ROBO2: variants seen among roughly 807,000 people sequenced by gnomAD.
ROBO2 encodes roundabout homolog 2.
In ROBO2, 53 loss-of-function variants were observed where a neutral mutation model predicts 160.8. The observed-to-expected ratio is 0.33, with a 90% confidence interval of 0.26 to 0.41. The LOEUF (loss-of-function observed/expected upper bound fraction) is 0.41. ROBO2 is among the 10% of genes least tolerant of loss of function. ROBO2 has a pLI of 1.00. For synonymous variants in ROBO2, 664 were observed against 611.7 expected (o/e 1.09, Z -1.26); for missense variants, 1,577 against 1,722.4 (o/e 0.92, Z 1.49).
At chr3:77,202,554 A>G (rs1024585784) in intron 2 of ROBO2, among the ~76,000 whole-genome samples, 3 of 152,156 alleles carry the variant, frequency 2.0e-5, no homozygotes, top group Non-Finnish European at 4.4e-5. Flanking sequence ...ATTTGCTTTA[A>G]AAATTATTAT....
intron 2 of ROBO2, among the ~76,000 whole-genome samples, chr3:76,201,956 C>G (rs1324854953): frequency 6.6e-6 from 1 of 150,610 alleles, no homozygotes; most frequent in Non-Finnish European, 1.5e-5. Flanking sequence ...ACCAGCCCAC[C>G]ACTTGTCCTG....
At chr3:76,327,306 G>A (rs777648848) in intron 2 of ROBO2, among the ~76,000 whole-genome samples, 1 of 151,800 alleles carries the variant, frequency 6.6e-6, no homozygotes, top group East Asian at 1.9e-4. Context: ...ACCTAAATTG[G>A]TAATATTTAT....
intron 2 of ROBO2, among the ~76,000 whole-genome samples, chr3:76,006,984 G>T (rs1173818624): frequency 6.6e-6 from 1 of 151,992 alleles, no homozygotes; most frequent in Non-Finnish European, 1.5e-5. Context: ...ATACTTATAT[G>T]TGTATTATAT....
chr3:76,042,476 C>G (rs1305730425), intron 2 of ROBO2, among the ~76,000 whole-genome samples: 1 of 151,998 alleles, frequency 6.6e-6, no homozygotes. Context: ...CGATTATTTA[C>G]ATAGGTTTAA....
At chr3:76,434,491 A>C in intron 2 of ROBO2, 1 of 1,559,336 alleles carries the variant, frequency 6.4e-7, no homozygotes, top group Non-Finnish European at 8.8e-7. Context: ...TGTTTTATAC[A>C]AACCGAGTCC....
intron 2 of ROBO2, among the ~76,000 whole-genome samples, chr3:76,397,075 A>G (rs927509104): frequency 2.0e-5 from 3 of 152,174 alleles, no homozygotes; most frequent in Non-Finnish European, 4.4e-5. Context: ...TTCAAACTAT[A>G]CTACACGGCT....
At chr3:76,900,173 C>G (rs373849235) in intron 2 of ROBO2, among the ~76,000 whole-genome samples, 1 of 152,094 alleles carries the variant, frequency 6.6e-6, no homozygotes, top group South Asian at 2.1e-4. Context: ...ATCACAAGAA[C>G]GGCACGGGAA....
Position 76,948,884 on chromosome 3 carries a change from ATATATATATATATATATATATATAT to A in ROBO2, c.110-149128_110-149104del, listed in dbSNP as rs1386372989. On this transcript the variant is annotated intron_variant, in intron 2 of 26. Coordinates refer to the ROBO2 transcript ENST00000487694. The stretch of plus-strand genomic sequence containing the variant: ...CACACCCGGCTAATTTTATATATAT[ATATATATATATATATATATATATAT>A]TTTTTTTTTTTTTTTTTTTTTAGTA... 1.4e-3 allele frequency among the ~76,000 whole-genome samples: 44 copies of A among 31,144 alleles called. No homozygotes were observed. In the Middle Eastern group the frequency reaches 0.045, roughly 32 times the overall value. The allele number at this position is 31,144 out of a possible 152,430, so 20.4% of individuals were successfully genotyped here.
intron 2 of ROBO2, among the ~76,000 whole-genome samples, chr3:76,419,241 A>G (rs1025539153): frequency 3.9e-5 from 6 of 152,222 alleles, no homozygotes; most frequent in Non-Finnish European, 7.3e-5. Context: ...CAAAACTGTG[A>G]ACAACATTGC....
chr3:76,356,732 C>G lies in ROBO2; in HGVS notation c.109+419130C>G, dbSNP rs562332645. ...CATACCGTTTTTGTATTTTATAGAA[C>G]AAATAGACAAAAAAAGCAAATGGTC... On this transcript the variant is annotated intron_variant, in intron 2 of 26. Transcript: ENST00000487694. Among the ~76,000 whole-genome samples the G allele has an allele frequency of 2.2e-4, 34 of 151,698 alleles. No individual in the cohort carries two copies. The South Asian group carries it at 7.1e-3, about 31-fold the overall frequency.
At chr3:76,367,040 T>C (rs2075852394) in intron 2 of ROBO2, among the ~76,000 whole-genome samples, 1 of 152,044 alleles carries the variant, frequency 6.6e-6, no homozygotes, top group Non-Finnish European at 1.5e-5. Flanking sequence ...TAAGCAATTT[T>C]ATATGAATTT....
intron 2 of ROBO2, among the ~76,000 whole-genome samples, chr3:76,678,709 A>C (rs1332460923): frequency 6.6e-6 from 1 of 152,152 alleles, no homozygotes; most frequent in Non-Finnish European, 1.5e-5. Flanking sequence ...CCATTAAAAA[A>C]GGGGCTCTGG....
intron 2 of ROBO2, among the ~76,000 whole-genome samples, chr3:76,992,366 TATA>T (rs869060537): frequency 0.09 from 4,320 of 48,246 alleles, 177 homozygotes; most frequent in East Asian, 0.23. Flanking sequence ...TATATATATA[TATA>T]AATTTAGCTT....
At chr3:76,238,384 A>T (rs1329703351) in intron 2 of ROBO2, among the ~76,000 whole-genome samples, 1 of 152,158 alleles carries the variant, frequency 6.6e-6, no homozygotes, top group Non-Finnish European at 1.5e-5. Flanking sequence ...AGAGCCACTT[A>T]TACAAAATCA....
intron 2 of ROBO2, among the ~76,000 whole-genome samples, chr3:76,920,058 A>G (rs1456450073): frequency 6.6e-6 from 1 of 152,216 alleles, no homozygotes; most frequent in East Asian, 1.9e-4. Flanking sequence ...TTGTTTAAAC[A>G]GCAGAAAAAA....
At chr3:77,041,840 T>C (rs2149619179) in intron 1 of ROBO2, among the ~76,000 whole-genome samples, 1 of 152,352 alleles carries the variant, frequency 6.6e-6, no homozygotes, top group Non-Finnish European at 1.5e-5. Context: ...CTTTAGGTTT[T>C]TAGTTACTTT....
At chr3:77,126,024 A>G (rs115998784) in intron 2 of ROBO2, among the ~76,000 whole-genome samples, 2,845 of 152,334 alleles carry the variant, frequency 0.019, 72 homozygotes, top group African/African-American at 0.063. Flanking sequence ...ATTTGACCCT[A>G]AATGACAAAG....
chr3:77,133,699 A>C (rs1282472718), intron 2 of ROBO2, among the ~76,000 whole-genome samples: 1 of 152,186 alleles, frequency 6.6e-6, no homozygotes, highest in Non-Finnish European at 1.5e-5. Context: ...AAATAACATT[A>C]CTGAGAAAAT....
chr3:77,219,195 C>G (rs1294736159), intron 2 of ROBO2, among the ~76,000 whole-genome samples: 2 of 151,684 alleles, frequency 1.3e-5, no homozygotes, highest in Non-Finnish European at 2.9e-5. Context: ...GTCTCGAACT[C>G]AGCACCTCAA....
Sources: allele counts gnomAD v4.1 joint callset (sites outside exome capture counted in the v4.1 genomes callset), GRCh38; gene constraint gnomAD v4.1.1; transcripts MANE v1.5; gene names NCBI Gene and HGNC (gene_info 2026-07-23, HGNC 2026-07-21).